The following PDZRN3 variants were observed in gnomAD, a reference collection of about 807,000 sequenced individuals.
PDZRN3 encodes E3 ubiquitin-protein ligase PDZRN3.
Under a neutral mutation model 85.7 loss-of-function variants are expected in PDZRN3, and 38 were observed. The ratio of observed to expected loss-of-function variants is 0.44; its 90% CI spans 0.34 to 0.58. The LOEUF is 0.58. PDZRN3 is among the 20% of genes least tolerant of loss of function. The probability of loss-of-function intolerance (pLI) is 0.01; values close to 1 mark genes in which losing one functional copy is unlikely to be tolerated. For synonymous variants in PDZRN3, 759 were observed against 638.0 expected, an observed-to-expected ratio of 1.19 and a Z score of -2.86; for missense variants, 1,629 against 1,506.4, an observed-to-expected ratio of 1.08 and a Z score of -1.35.
chr3:73,526,639 T>G (rs1050109051), intron 3 of PDZRN3, among the ~76,000 whole-genome samples: 62 of 152,310 alleles, frequency 4.1e-4, no homozygotes, highest in African/African-American at 1.5e-3. Flanking sequence ...ATGTGCATAT[T>G]CTCTAGTCCT....
intron 7 of PDZRN3, among the ~76,000 whole-genome samples, chr3:73,389,182 T>C (rs945819263): frequency 2.6e-5 from 4 of 151,974 alleles, no homozygotes; most frequent in African/African-American, 7.3e-5. Flanking sequence ...AGCTAAGCCT[T>C]GTGGACACAA....
chr3:73,477,197 C>T (rs1391818528), intron 3 of PDZRN3, among the ~76,000 whole-genome samples: 1 of 152,090 alleles, frequency 6.6e-6, no homozygotes, highest in African/African-American at 2.4e-5. Context: ...TAGAACAGTG[C>T]CTGGCACACA....
intron 6 of PDZRN3, 43 bp downstream of exon 6, chr3:73,390,975 G>C: frequency 1.6e-6 from 2 of 1,275,354 alleles, no homozygotes; most frequent in South Asian, 1.3e-5. Context: ...AAACCCTTTT[G>C]GTCTTGATAC....
chr3:73,595,273 G>A (rs1447842906), intron 3 of PDZRN3, among the ~76,000 whole-genome samples: 1 of 152,166 alleles, frequency 6.6e-6, no homozygotes, highest in Non-Finnish European at 1.5e-5. Flanking sequence ...AATCAAAACA[G>A]AATATTTGGG....
chr3:73,603,971 G>A (rs911547542), intron 2 of PDZRN3, among the ~76,000 whole-genome samples: 1 of 151,922 alleles, frequency 6.6e-6, no homozygotes, highest in African/African-American at 2.4e-5. Flanking sequence ...TGAGCATTAA[G>A]TGTTTTTCCT....
chr3:73,593,729 C>T (rs1338439890), intron 3 of PDZRN3, among the ~76,000 whole-genome samples: 1 of 151,508 alleles, frequency 6.6e-6, no homozygotes, highest in African/African-American at 2.4e-5. Context: ...CACACACACA[C>T]ACACACACAC....
intron 3 of PDZRN3, among the ~76,000 whole-genome samples, chr3:73,495,682 G>A (rs1703853312): frequency 1.0e-5 from 1 of 97,590 alleles, no homozygotes; most frequent in Admixed American, 1.1e-4. Flanking sequence ...ACACACATAA[G>A]GCTAGAACTT....
At chr3:73,385,580 G>T in intron 9 of PDZRN3, 89 bp downstream of exon 9, 1 of 772,536 alleles carries the variant, frequency 1.3e-6, no homozygotes, top group Non-Finnish European at 2.2e-6. Flanking sequence ...ACTTCTGATG[G>T]TCTTTAGCAC....
At chr3:73,572,884 G>T (rs1042510568) in intron 3 of PDZRN3, among the ~76,000 whole-genome samples, 3 of 152,178 alleles carry the variant, frequency 2.0e-5, no homozygotes, top group African/African-American at 7.2e-5. Flanking sequence ...GGAAAAAATT[G>T]TTGGAATTTT....
At chr3:73,555,368 A>AT (rs1187275461) in intron 3 of PDZRN3, among the ~76,000 whole-genome samples, 11 of 152,228 alleles carry the variant, frequency 7.2e-5, no homozygotes, top group African/African-American at 2.7e-4. Flanking sequence ...AGCTGCAATG[A>AT]TTATTGAAAT....
chr3:73,502,744 C>G (rs1704004645), intron 3 of PDZRN3, among the ~76,000 whole-genome samples: 1 of 152,142 alleles, frequency 6.6e-6, no homozygotes, highest in Admixed American at 6.5e-5. Flanking sequence ...AAGCAAATCC[C>G]CCAGAGGCCA....
intron 3 of PDZRN3, among the ~76,000 whole-genome samples, chr3:73,537,546 G>A (rs1704816321): frequency 6.6e-6 from 1 of 152,130 alleles, no homozygotes; most frequent in African/African-American, 2.4e-5. Context: ...ACCTTCTATG[G>A]AATGTTCTGA....
intron 3 of PDZRN3, among the ~76,000 whole-genome samples, chr3:73,585,567 C>A (rs575730939): frequency 1.3e-5 from 2 of 152,146 alleles, no homozygotes; most frequent in Non-Finnish European, 2.9e-5. Flanking sequence ...ACCCCCACAC[C>A]CCCAGAAACC....
At chr3:73,390,926 C>A in intron 6 of PDZRN3, 92 bp downstream of exon 6, 1 of 756,936 alleles carries the variant, frequency 1.3e-6, no homozygotes, top group Non-Finnish European at 2.3e-6. Context: ...CCAAAGAGAT[C>A]TTGATGAGGT....
At chr3:73,497,353 T>G (rs1703885486) in intron 3 of PDZRN3, among the ~76,000 whole-genome samples, 1 of 152,194 alleles carries the variant, frequency 6.6e-6, no homozygotes, top group South Asian at 2.1e-4. Context: ...AAGAAAGCCA[T>G]GAAAACTCAT....
At chr3:73,586,337 A>G (rs1702276641) in intron 3 of PDZRN3, among the ~76,000 whole-genome samples, 1 of 152,180 alleles carries the variant, frequency 6.6e-6, no homozygotes, top group African/African-American at 2.4e-5. Flanking sequence ...AAATGTCCCC[A>G]AGGCCTCATG....
chr3:73,485,809 C>T (rs1703651083), intron 3 of PDZRN3, among the ~76,000 whole-genome samples: 1 of 152,122 alleles, frequency 6.6e-6, no homozygotes, highest in African/African-American at 2.4e-5. Context: ...TTAGCCTATC[C>T]ATCTCCACTT....
intron 3 of PDZRN3, chr3:73,408,217 TG>T: frequency 2.8e-6 from 2 of 703,120 alleles, no homozygotes; most frequent in Non-Finnish European, 5.2e-6. Context: ...ATCCTGGCTG[TG>T]GGCTTTGGGC....
chr3:73,547,258 C>A (rs1287689219), intron 3 of PDZRN3, among the ~76,000 whole-genome samples: 1 of 152,220 alleles, frequency 6.6e-6, no homozygotes, highest in East Asian at 1.9e-4. Flanking sequence ...GCTCTGGAAT[C>A]TTCATGGCAG....
Sources: gnomAD v4.1 joint callset for allele counts (sites outside exome capture counted in the v4.1 genomes callset) on GRCh38, gnomAD v4.1.1 for gene constraint, MANE v1.5 for transcripts, NCBI Gene and HGNC (gene_info 2026-07-23, HGNC 2026-07-21) for gene names.